Variants in HCN1 observed in about 807,000 individuals in gnomAD.
The protein encoded by HCN1 is hyperpolarization activated cyclic nucleotide gated potassium channel 1.
HCN1 carries 13 observed loss-of-function variants against 78.9 expected under a neutral mutation model. That is an observed-to-expected ratio of 0.16 (90% CI 0.11 to 0.26). The LOEUF is 0.26. HCN1 is among the 10% of genes least tolerant of loss of function. HCN1 has a pLI of 1.00. For synonymous variants in HCN1, 552 were observed against 455.5 expected (o/e 1.21, Z -2.70); for missense variants, 810 against 1,154.3 (o/e 0.70, Z 4.32).
intron 4 of HCN1, among the ~76,000 whole-genome samples, chr5:45,356,054 A>G (rs1408790257): frequency 6.6e-6 from 1 of 151,996 alleles, no homozygotes; most frequent in African/African-American, 2.4e-5. Flanking sequence ...AAAATAACCA[A>G]CTATTCTTTG....
At chr5:45,617,323 T>A (rs937796729) in intron 2 of HCN1, 2 of 152,078 alleles carry the variant, frequency 1.3e-5, no homozygotes, top group Admixed American at 6.6e-5. Flanking sequence ...GTTAATCATG[T>A]TCATTTAAAG....
intron 5 of HCN1, among the ~76,000 whole-genome samples, chr5:45,346,175 T>C (rs958504355): frequency 4.6e-5 from 7 of 152,116 alleles, no homozygotes; most frequent in South Asian, 4.1e-4. Flanking sequence ...TTCAATTACC[T>C]CCCACGGGGT....
At chr5:45,556,448 T>C (rs1743471961) in intron 2 of HCN1, among the ~76,000 whole-genome samples, 1 of 152,024 alleles carries the variant, frequency 6.6e-6, no homozygotes, top group African/African-American at 2.4e-5. Context: ...TTCTAATTCC[T>C]TCATGTTATT....
chr5:45,493,437 T>G (rs1741940316), intron 2 of HCN1, among the ~76,000 whole-genome samples: 1 of 152,068 alleles, frequency 6.6e-6, no homozygotes, highest in African/African-American at 2.4e-5. Context: ...ATATATTCCT[T>G]TTACATAAAT....
intron 4 of HCN1, among the ~76,000 whole-genome samples, chr5:45,360,528 T>C (rs1456541109): frequency 6.6e-6 from 1 of 152,100 alleles, no homozygotes; most frequent in Non-Finnish European, 1.5e-5. Flanking sequence ...GGTAATATGC[T>C]AATTCATTTA....
intron 4 of HCN1, among the ~76,000 whole-genome samples, chr5:45,362,464 CTTTA>C (rs1445953692): frequency 6.6e-6 from 1 of 151,996 alleles, no homozygotes; most frequent in African/African-American, 2.4e-5. Flanking sequence ...CTCCTTCTGT[CTTTA>C]TTTCTCTTAT....
intron 2 of HCN1, among the ~76,000 whole-genome samples, chr5:45,590,193 C>T (rs1744330984): frequency 6.6e-6 from 1 of 152,164 alleles, no homozygotes; most frequent in Non-Finnish European, 1.5e-5. Flanking sequence ...ACTTTTATCA[C>T]ATCTCTGGTT....
intron 5 of HCN1, among the ~76,000 whole-genome samples, chr5:45,342,292 G>A: frequency 6.7e-6 from 1 of 149,556 alleles, no homozygotes; most frequent in Non-Finnish European, 1.5e-5. Flanking sequence ...GCAGTGCAGT[G>A]GATCTCAACT....
intron 2 of HCN1, chr5:45,576,635 G>A (rs533689018): frequency 1.2e-4 from 18 of 152,050 alleles, no homozygotes; most frequent in Non-Finnish European, 2.2e-4. Flanking sequence ...GCATACTTTA[G>A]CAATAAAGCA....
chr5:45,673,787 T>C (rs1211730067), intron 1 of HCN1, among the ~76,000 whole-genome samples: 2 of 151,612 alleles, frequency 1.3e-5, no homozygotes, highest in African/African-American at 2.4e-5. Flanking sequence ...GGTCACAAAA[T>C]TGACCATATG....
Position 45,645,203 on chromosome 5 carries a change from G to A in HCN1, c.831C>T (p.Tyr277=). ...RLLRLSRLIR[Y]IHQWEEIFHM... ...ATCTTACCTCTTCCCATTGATGTATGTATCTAATTAACCTTGAAAGTCGTA... is the reference window on the plus strand; with the variant it reads ...ATCTTACCTCTTCCCATTGATGTATATATCTAATTAACCTTGAAAGTCGTA... Residue 277 remains tyrosine, a synonymous_variant, in exon 2 of 8, where the codon TAC becomes TAT. Transcript: ENST00000303230. The A allele has an allele frequency of 1.2e-6, 2 of 1,612,102 alleles. No individual in the cohort carries two copies. The highest frequency in any genetic ancestry group is 2.2e-5 in the East Asian group (1 of 44,830).
chr5:45,606,215 T>C (rs1167764236), intron 2 of HCN1, among the ~76,000 whole-genome samples: 1 of 151,844 alleles, frequency 6.6e-6, no homozygotes, highest in African/African-American at 2.4e-5. Context: ...TAGTGAAAAA[T>C]AGAAAAAGAA....
In HCN1 at chr5:45,625,684, T is replaced by A. The variant is rs553729912; in HGVS notation, c.849+19501A>T. On this transcript the variant is annotated intron_variant, in intron 2 of 7. Transcript: ENST00000303230. ...AAGTCTAAAAGGGATATGAAAAACA[T>A]AGAACAGTAATGTGTTAATAAAATA... 3.1e-4 allele frequency among the ~76,000 whole-genome samples: 47 copies of A among 151,928 alleles called. 1 individual carries two copies. In the East Asian group the frequency reaches 7.0e-3, roughly 23 times the overall value.
chr5:45,668,478 T>A (rs527411906), intron 1 of HCN1, among the ~76,000 whole-genome samples: 1 of 151,928 alleles, frequency 6.6e-6, no homozygotes, highest in South Asian at 2.1e-4. Flanking sequence ...TCCCTAGCCA[T>A]GTGGAATTGT....
chr5:45,266,895 G>C (rs551452366), intron 7 of HCN1, among the ~76,000 whole-genome samples, 194 bp downstream of exon 7: 1 of 152,140 alleles, frequency 6.6e-6, no homozygotes, highest in East Asian at 1.9e-4. Flanking sequence ...TTTTAGTAGA[G>C]ACAGGGTTTC....
At chr5:45,273,859 C>T (rs894786154) in intron 6 of HCN1, among the ~76,000 whole-genome samples, 3 of 152,022 alleles carry the variant, frequency 2.0e-5, no homozygotes, top group African/African-American at 7.2e-5. Flanking sequence ...AAAACACTGC[C>T]TCTGTATGGC....
At chr5:45,313,616 T>C (rs1392300405) in intron 5 of HCN1, among the ~76,000 whole-genome samples, 1 of 152,050 alleles carries the variant, frequency 6.6e-6, no homozygotes, top group Non-Finnish European at 1.5e-5. Context: ...CTAAAAACCT[T>C]GAAGAAATAT....
intron 6 of HCN1, among the ~76,000 whole-genome samples, chr5:45,273,486 A>T (rs553396479): frequency 6.6e-6 from 1 of 152,234 alleles, no homozygotes; most frequent in East Asian, 1.9e-4. Flanking sequence ...ATGGCTTCAA[A>T]CGTTTTGCAA....
At chr5:45,376,095 T>A (rs1306281307) in intron 4 of HCN1, among the ~76,000 whole-genome samples, 1 of 111,064 alleles carries the variant, frequency 9.0e-6, no homozygotes. Context: ...ATATTATATA[T>A]AATATAATGT....
Sources: gnomAD v4.1 joint callset for allele counts (sites outside exome capture counted in the v4.1 genomes callset) on GRCh38, gnomAD v4.1.1 for gene constraint, MANE v1.5 for transcripts, NCBI Gene and HGNC (gene_info 2026-07-23, HGNC 2026-07-21) for gene names.